Variants in SORCS2 observed in about 807,000 individuals in gnomAD.
SORCS2 encodes the protein VPS10 domain-containing receptor SorCS2.
A neutral mutation model predicts 141.6 loss-of-function variants in SORCS2; 100 were observed. That is an observed-to-expected ratio of 0.71 (90% CI 0.60 to 0.83). The LOEUF (loss-of-function observed/expected upper bound fraction) is 0.83, where lower values mean the gene tolerates loss of function less well. Ranked by LOEUF, SORCS2 falls within the 40% of genes least tolerant of loss-of-function variation. The pLI, the probability that SORCS2 is intolerant of heterozygous loss-of-function variation, is 0.00. For synonymous variants in SORCS2, 789 were observed against 676.9 expected, an observed-to-expected ratio of 1.17 and a Z score of -2.57; for missense variants, 1,646 against 1,560.2, an observed-to-expected ratio of 1.05 and a Z score of -0.93.
chr4:7,737,998 G>C (rs1712334168), intron 26 of SORCS2, among the ~76,000 whole-genome samples: 1 of 152,256 alleles, frequency 6.6e-6, no homozygotes, highest in Non-Finnish European at 1.5e-5. Flanking sequence ...ACTTCCAAGA[G>C]CATGTGGAGG....
rs543013221 is a variant in SORCS2, at chr4:7,395,845, C to A, written c.481-443C>A. On this transcript the variant is annotated intron_variant, in intron 1 of 26. Transcript: ENST00000507866. ...CTCTGGTCTTGGGTGGCAGCCCCAG[C>A]AGCTGTTTCCAGCAGGCTTAGGGGA... Among the ~76,000 whole-genome samples the A allele has an allele frequency of 2.0e-5, 3 of 152,298 alleles. No individual in the cohort carries two copies. The South Asian group carries it at 6.2e-4, about 32-fold the overall frequency.
At chr4:7,465,344 C>A (rs762284243) in intron 2 of SORCS2, among the ~76,000 whole-genome samples, 1 of 152,164 alleles carries the variant, frequency 6.6e-6, no homozygotes, top group African/African-American at 2.4e-5. Context: ...ACACATCTTG[C>A]GAGTTTCTTT....
intron 3 of SORCS2, among the ~76,000 whole-genome samples, chr4:7,553,380 T>A (rs574348381): frequency 1.3e-5 from 2 of 152,232 alleles, no homozygotes; most frequent in African/African-American, 4.8e-5. Context: ...AAATGGGCCA[T>A]TACAAACATA....
At chr4:7,676,399 G>T (rs182960924) in intron 9 of SORCS2, among the ~76,000 whole-genome samples, 170 bp downstream of exon 9, 3 of 152,184 alleles carry the variant, frequency 2.0e-5, no homozygotes, top group Non-Finnish European at 1.5e-5. Flanking sequence ...AGGCCAAGAG[G>T]CTATTATGTA....
At position 7,682,861 on chromosome 4, in the gene SORCS2, T is replaced by A; in HGVS notation, c.1460T>A (p.Met487Lys). 6.2e-7 allele frequency: 1 copy of A among 1,613,548 alleles called. No homozygotes were observed. Residue 487 changes from methionine (M) to lysine (K), a missense_variant, in exon 10 of 27, where the codon ATG becomes AAG. Met to Lys is a moderately conservative substitution (Grantham distance 95). Coordinates refer to ENST00000507866, the MANE Select transcript of SORCS2 (RefSeq NM_020777.3). ...TACCTGAGGCCACCCAGCATGGACA[T>A]GAATGGAAAACCAACCAACTGCAAG... ...WDYLRPPSMD[M>K]NGKPTNCKPP... is the part of the protein sequence containing the mutation.
intron 1 of SORCS2, among the ~76,000 whole-genome samples, chr4:7,342,446 G>A (rs1720419815): frequency 1.3e-5 from 2 of 152,200 alleles, no homozygotes; most frequent in African/African-American, 4.8e-5. Context: ...TCCACAGCCG[G>A]CCCTGGTGAA....
intron 3 of SORCS2, 117 bp downstream of exon 3, chr4:7,531,746 G>C: frequency 9.9e-7 from 1 of 1,014,970 alleles, no homozygotes; most frequent in East Asian, 2.6e-5. Context: ...AGGCCGGAGT[G>C]TGAGATGTTT....
chr4:7,427,145 G>A (rs1173048600), intron 2 of SORCS2, among the ~76,000 whole-genome samples: 1 of 152,142 alleles, frequency 6.6e-6, no homozygotes, highest in African/African-American at 2.4e-5. Context: ...CGCAGCCGGA[G>A]CTCCAGGGTA....
intron 3 of SORCS2, among the ~76,000 whole-genome samples, chr4:7,567,966 G>A (rs1032034692): frequency 2.6e-5 from 4 of 152,092 alleles, no homozygotes; most frequent in Admixed American, 6.5e-5. Flanking sequence ...GACATATTCC[G>A]ATCACTGTAA....
intron 1 of SORCS2, among the ~76,000 whole-genome samples, chr4:7,386,124 TAC>T (rs1188984737): frequency 6.6e-6 from 1 of 150,644 alleles, no homozygotes; most frequent in Admixed American, 6.6e-5. Flanking sequence ...TACACATATG[TAC>T]ACACGCACAC....
chr4:7,558,541 G>A (rs965311608), intron 3 of SORCS2, among the ~76,000 whole-genome samples: 3 of 152,182 alleles, frequency 2.0e-5, no homozygotes, highest in Non-Finnish European at 4.4e-5. Context: ...CAGGTGAGAT[G>A]CCAGCTCCCT....
chr4:7,669,396 A>C (rs1329488607), intron 8 of SORCS2, among the ~76,000 whole-genome samples: 1 of 151,894 alleles, frequency 6.6e-6, no homozygotes, highest in Admixed American at 6.5e-5. Context: ...CTGTCAGGAG[A>C]ATGGGGCCCC....
chr4:7,296,819 G>A (rs1456393859), intron 1 of SORCS2, among the ~76,000 whole-genome samples: 1 of 152,148 alleles, frequency 6.6e-6, no homozygotes, highest in Non-Finnish European at 1.5e-5. Flanking sequence ...TACACACACT[G>A]CGTGGCTTCC....
chr4:7,270,146 G>T (rs1214170927), intron 1 of SORCS2, among the ~76,000 whole-genome samples: 1 of 152,250 alleles, frequency 6.6e-6, no homozygotes, highest in Non-Finnish European at 1.5e-5. Flanking sequence ...CTCCCAAAGT[G>T]CTGGGATCAC....
chr4:7,605,935 C>A (rs1718031732), intron 3 of SORCS2, among the ~76,000 whole-genome samples: 2 of 152,136 alleles, frequency 1.3e-5, no homozygotes, highest in Non-Finnish European at 2.9e-5. Context: ...GTGGAGGTGA[C>A]CCCCAGGACC....
intron 10 of SORCS2, among the ~76,000 whole-genome samples, chr4:7,685,679 A>G (rs1025737801): frequency 3.5e-5 from 4 of 115,874 alleles, no homozygotes; most frequent in Non-Finnish European, 5.8e-5. Context: ...TCAAAAATTA[A>G]AATAAATAAA....
At chr4:7,413,623 G>A (rs117798662) in intron 2 of SORCS2, among the ~76,000 whole-genome samples, 4,348 of 152,132 alleles carry the variant, frequency 0.029, 195 homozygotes, top group Admixed American at 0.13. Flanking sequence ...CTTGGCCTCA[G>A]GTAATCTGCC....
rs367707071 is a variant in SORCS2 at position 7,486,038 on chromosome 4, C to A, written c.549-45492C>A. Among the ~76,000 whole-genome samples the A allele has an allele frequency of 3.3e-5, 5 of 152,274 alleles. No individual in the cohort carries two copies. The East Asian group carries it at 5.8e-4, about 18-fold the overall frequency. Reference sequence around the variant, plus strand: ...GAGCCTGACATCAGGCCCTGCATACCGAAGCCCACGGATGTCACCCACAGC... The same window carrying A: ...GAGCCTGACATCAGGCCCTGCATACAGAAGCCCACGGATGTCACCCACAGC... On this transcript the variant is annotated intron_variant, in intron 2 of 26. Transcript: ENST00000507866.
At chr4:7,676,973 C>T (rs1723205035) in intron 9 of SORCS2, among the ~76,000 whole-genome samples, 2 of 125,556 alleles carry the variant, frequency 1.6e-5, no homozygotes, top group African/African-American at 5.8e-5. Flanking sequence ...TCCACCCCAG[C>T]CCCTTCATCT....
Sources: gnomAD v4.1 joint callset for allele counts (sites outside exome capture counted in the v4.1 genomes callset) on GRCh38, gnomAD v4.1.1 for gene constraint, MANE v1.5 for transcripts, NCBI Gene and HGNC (gene_info 2026-07-23, HGNC 2026-07-21) for gene names.